Variants in DYNC1I2 observed in about 807,000 individuals in gnomAD.
DYNC1I2 encodes cytoplasmic dynein 1 intermediate chain 2.
A neutral mutation model predicts 88.6 loss-of-function variants in DYNC1I2; 53 were observed. The observed-to-expected ratio is 0.60, with a 90% CI of 0.48 to 0.75. DYNC1I2 has a LOEUF of 0.75. DYNC1I2 is among the 30% of genes least tolerant of loss of function. The probability of loss-of-function intolerance (pLI) is 0.00; values close to 1 mark genes in which losing one functional copy is unlikely to be tolerated. For missense variants in DYNC1I2, 458 were observed against 766.6 expected, an observed-to-expected ratio of 0.60 and a Z score of 4.75; for synonymous variants, 198 against 254.6, an observed-to-expected ratio of 0.78 and a Z score of 2.12.
chr2:171,704,891 T>G (rs1304797697), intron 3 of DYNC1I2, among the ~76,000 whole-genome samples: 1 of 152,164 alleles, frequency 6.6e-6, no homozygotes, highest in Non-Finnish European at 1.5e-5. Context: ...TATTCCTCCT[T>G]TTGTAATGAT....
At chr2:171,725,768 T>TCTA (rs1688209741) in intron 8 of DYNC1I2, 55 bp downstream of exon 8, 1 of 1,201,404 alleles carries the variant, frequency 8.3e-7, no homozygotes, top group African/African-American at 3.7e-5. Flanking sequence ...TAAGATTCCT[T>TCTA]TTATTATGTA....
chr2:171,710,169 T>TCACA (rs1687014363), intron 5 of DYNC1I2, among the ~76,000 whole-genome samples: 1 of 109,362 alleles, frequency 9.1e-6, no homozygotes, highest in Non-Finnish European at 2.0e-5. Flanking sequence ...ACACACAGAG[T>TCACA]AATAGAAAAT....
intron 15 of DYNC1I2, among the ~76,000 whole-genome samples, chr2:171,736,440 A>C (rs977581976): frequency 6.6e-6 from 1 of 152,208 alleles, no homozygotes; most frequent in African/African-American, 2.4e-5. Flanking sequence ...TGTGAGCCTG[A>C]CCAGCTCATT....
chr2:171,746,274 C>A (rs781564452), intron 17 of DYNC1I2, among the ~76,000 whole-genome samples: 1 of 152,068 alleles, frequency 6.6e-6, no homozygotes, highest in Non-Finnish European at 1.5e-5. Context: ...ATTTATTTTT[C>A]TGTATTCATT....
chr2:171,725,702 ATGAT>A lies in DYNC1I2; in HGVS notation c.597_600del (p.Asn199LysfsTer9), dbSNP rs1193668007. 6.4e-7 allele frequency: 1 copy of A among 1,567,402 alleles called. No homozygotes were observed. The highest frequency in any genetic ancestry group is 8.6e-7 in the Non-Finnish European group (1 of 1,159,122). The stretch of plus-strand genomic sequence containing the variant: ...AAAACTTTAAAGAAAGATGAGGAAA[ATGAT>A]AGTAAAGGTATCTTAAGGAATTAAA... On this transcript the variant is annotated frameshift_variant, in exon 8 of 18. Transcript: ENST00000397119. LOFTEE classifies it high-confidence loss of function.
chr2:171,738,501 C>T (rs1214545316), intron 15 of DYNC1I2, among the ~76,000 whole-genome samples: 3 of 152,116 alleles, frequency 2.0e-5, no homozygotes. Context: ...CATTCTACTG[C>T]TGATGGTATT....
At chr2:171,693,946 C>A (rs1685569814) in intron 3 of DYNC1I2, among the ~76,000 whole-genome samples, 1 of 151,200 alleles carries the variant, frequency 6.6e-6, no homozygotes, top group Non-Finnish European at 1.5e-5. Flanking sequence ...TTTTTCTGTG[C>A]TTTGGCTTTT....
intron 15 of DYNC1I2, among the ~76,000 whole-genome samples, chr2:171,738,326 C>T (rs1287350299): frequency 6.6e-6 from 1 of 151,802 alleles, no homozygotes; most frequent in East Asian, 1.9e-4. Flanking sequence ...GAACGAAACT[C>T]CAGCTCAAAA....
chr2:171,725,888 A>G, intron 8 of DYNC1I2, 31 bp from the exon 9 acceptor site: 1 of 1,548,732 alleles, frequency 6.5e-7, no homozygotes, highest in East Asian at 2.3e-5. Context: ...CCTGACATAA[A>G]TCATACTTCA....
At chr2:171,729,137 T>G (rs1041449594) in intron 14 of DYNC1I2, among the ~76,000 whole-genome samples, 5 of 152,202 alleles carry the variant, frequency 3.3e-5, no homozygotes, top group African/African-American at 1.2e-4. Context: ...AATATGCACA[T>G]GCCAATATTG....
chr2:171,717,023 TAAATACATTA>T (rs1414005719), intron 7 of DYNC1I2, among the ~76,000 whole-genome samples: 1 of 152,086 alleles, frequency 6.6e-6, no homozygotes, highest in African/African-American at 2.4e-5. Context: ...GGAAATGAAA[TAAATACATTA>T]AACTTTTCCT....
intron 3 of DYNC1I2, among the ~76,000 whole-genome samples, chr2:171,695,389 A>G (rs2105472847): frequency 6.6e-6 from 1 of 152,206 alleles, no homozygotes; most frequent in South Asian, 2.1e-4. Context: ...GTTAGCCACC[A>G]TGCCCGGCCC....
chr2:171,702,507 T>A (rs971577492), intron 3 of DYNC1I2, among the ~76,000 whole-genome samples: 2 of 152,322 alleles, frequency 1.3e-5, no homozygotes, highest in Non-Finnish European at 2.9e-5. Context: ...AAAAATCTAT[T>A]TTGTATCATG....
intron 3 of DYNC1I2, among the ~76,000 whole-genome samples, chr2:171,702,399 C>A (rs1686325485): frequency 6.6e-6 from 1 of 152,084 alleles, no homozygotes; most frequent in Admixed American, 6.6e-5. Context: ...AAAACATATG[C>A]CTACAAGTCC....
intron 16 of DYNC1I2, among the ~76,000 whole-genome samples, 178 bp from the exon 17 acceptor site, chr2:171,745,624 C>T (rs537753396): frequency 1.4e-4 from 21 of 152,088 alleles, no homozygotes; most frequent in Non-Finnish European, 1.8e-4. Context: ...TTTCAAGGAT[C>T]GACTATAATG....
intron 5 of DYNC1I2, 92 bp from the exon 6 acceptor site, chr2:171,712,675 T>G (rs934475827): frequency 2.2e-6 from 2 of 893,164 alleles, no homozygotes; most frequent in African/African-American, 3.4e-5. Flanking sequence ...TTGTGAATAG[T>G]ACTTTAGCTT....
At chr2:171,697,733 C>T (rs2105484779) in intron 3 of DYNC1I2, among the ~76,000 whole-genome samples, 1 of 152,054 alleles carries the variant, frequency 6.6e-6, no homozygotes, top group Admixed American at 6.5e-5. Context: ...TAGCAGGCAC[C>T]TGTAGTCCTA....
At chr2:171,740,193 G>C (rs1689324650) in intron 15 of DYNC1I2, among the ~76,000 whole-genome samples, 1 of 152,106 alleles carries the variant, frequency 6.6e-6, no homozygotes, top group Admixed American at 6.6e-5. Context: ...GTTGCAGATA[G>C]TTTATGTTTC....
intron 15 of DYNC1I2, among the ~76,000 whole-genome samples, chr2:171,734,017 C>G (rs1688832741): frequency 6.6e-6 from 1 of 152,238 alleles, no homozygotes; most frequent in South Asian, 2.1e-4. Context: ...CTACATATGG[C>G]TAGCCAGTTC....
Sources: gnomAD v4.1 joint callset for allele counts (sites outside exome capture counted in the v4.1 genomes callset) on GRCh38, gnomAD v4.1.1 for gene constraint, MANE v1.5 for transcripts, NCBI Gene and HGNC (gene_info 2026-07-23, HGNC 2026-07-21) for gene names.